TTC39B: variants seen among roughly 807,000 people sequenced by gnomAD.
TTC39B encodes tetratricopeptide repeat protein 39B.
TTC39B carries 92 observed loss-of-function variants against 96.6 expected under a neutral mutation model. The ratio of observed to expected loss-of-function variants is 0.95; its 90% confidence interval spans 0.80 to 1.13. The LOEUF (loss-of-function observed/expected upper bound fraction) is 1.13. Ranked by LOEUF, TTC39B falls within the 50% of genes most tolerant of loss-of-function variation. TTC39B has a pLI of 0.00. For synonymous variants in TTC39B, 367 were observed against 299.4 expected (o/e 1.23, Z -2.33); for missense variants, 955 against 809.3 (o/e 1.18, Z -2.18).
intron 3 of TTC39B, among the ~76,000 whole-genome samples, chr9:15,221,877 A>G (rs1453339536): frequency 1.3e-5 from 2 of 152,180 alleles, no homozygotes; most frequent in Admixed American, 6.5e-5. Context: ...TCAGTATTGC[A>G]TTGTTACATA....
intron 2 of TTC39B, among the ~76,000 whole-genome samples, chr9:15,242,552 C>T (rs1204940685): frequency 6.6e-6 from 1 of 152,028 alleles, no homozygotes. Flanking sequence ...CACTACACTC[C>T]AACCTGGGTG....
At position 15,233,409 on chromosome 9, in the gene TTC39B, G is replaced by A. The variant is rs185827712; in HGVS notation, c.276-7397C>T. Among the ~76,000 whole-genome samples, 898 of 152,162 alleles carry A rather than the reference G, an allele frequency of 5.9e-3. 11 individuals carry two copies. The highest frequency in any genetic ancestry group is 0.02 in the African/African-American group (838 of 41,492). On this transcript the variant is annotated intron_variant, in intron 2 of 19. Transcript: ENST00000512701. ...CACGGTCTCCCTCTGATGCCGAGCC[G>A]AAGCTGGACTGTACTGCTGCCATCT... is the stretch of plus-strand genomic sequence containing the variant.
At chr9:15,285,157 C>CG in intron 1 of TTC39B, among the ~76,000 whole-genome samples, 1 of 151,582 alleles carries the variant, frequency 6.6e-6, no homozygotes, top group East Asian at 2.0e-4. Context: ...CCCAGCTACT[C>CG]GGGGCGGGGG....
intron 2 of TTC39B, among the ~76,000 whole-genome samples, chr9:15,258,765 G>A (rs866947220): frequency 6.6e-5 from 10 of 152,128 alleles, no homozygotes; most frequent in Non-Finnish European, 4.4e-5. Flanking sequence ...CCCCAACCAC[G>A]ACTCAGTCTT....
chr9:15,235,795 A>C (rs993509060), intron 2 of TTC39B, among the ~76,000 whole-genome samples: 2 of 152,242 alleles, frequency 1.3e-5, no homozygotes, highest in Non-Finnish European at 2.9e-5. Flanking sequence ...GACCTATCCT[A>C]CAAGAAATGC....
chr9:15,174,276 C>A (rs911067147), intron 19 of TTC39B, among the ~76,000 whole-genome samples: 1 of 151,976 alleles, frequency 6.6e-6, no homozygotes, highest in Non-Finnish European at 1.5e-5. Flanking sequence ...GTGTCTGACA[C>A]ATAATAGGTG....
intron 2 of TTC39B, among the ~76,000 whole-genome samples, chr9:15,231,627 C>T (rs1310491215): frequency 6.6e-6 from 1 of 152,152 alleles, no homozygotes; most frequent in Non-Finnish European, 1.5e-5. Flanking sequence ...AAGCTTACAG[C>T]TATCTTTGTT....
intron 3 of TTC39B, among the ~76,000 whole-genome samples, chr9:15,219,285 A>G (rs1203377825): frequency 1.3e-5 from 2 of 152,132 alleles, no homozygotes; most frequent in South Asian, 2.1e-4. Context: ...AAGCATTTAT[A>G]TATATTGAGG....
intron 4 of TTC39B, among the ~76,000 whole-genome samples, chr9:15,212,692 G>T (rs971153210): frequency 3.9e-5 from 6 of 152,220 alleles, no homozygotes; most frequent in Non-Finnish European, 8.8e-5. Context: ...CTCCCAAAGT[G>T]CTGGGATTAC....
intron 1 of TTC39B, among the ~76,000 whole-genome samples, chr9:15,284,298 T>C (rs1022837268): frequency 1.3e-5 from 2 of 152,244 alleles, no homozygotes; most frequent in South Asian, 4.1e-4. Context: ...ATACTATCAT[T>C]ACAGTCTGTT....
intron 2 of TTC39B, among the ~76,000 whole-genome samples, chr9:15,235,023 C>CAATAAATAGATAAATA (rs144388307): frequency 6.9e-6 from 1 of 145,054 alleles, no homozygotes; most frequent in African/African-American, 2.6e-5. Flanking sequence ...CAAGAATGAT[C>CAATAAATAGATAAATA]AATAAATAAA....
At position 15,189,374 on chromosome 9, in the gene TTC39B, G is replaced by A. The variant is rs542348977; in HGVS notation, c.1233+200C>T. ...TATGTATAAATGTAGACTATATTCA[G>A]TAATCCACTGCATAGATTTTATATA... On this transcript the variant is annotated intron_variant, in intron 13 of 19. Coordinates refer to ENST00000512701, the Ensembl canonical transcript of TTC39B. Among the ~76,000 whole-genome samples the A allele has an allele frequency of 7.2e-5, 11 of 152,252 alleles. No homozygotes were observed. In the South Asian group the frequency reaches 2.1e-3, roughly 29 times the overall value.
rs1055200567 is a variant in TTC39B at position 15,306,486 on chromosome 9, G to C, written c.240+598C>G. On this transcript the variant is annotated intron_variant, in intron 1 of 19. Transcript: ENST00000512701. This position sits in a 1 kb window ranked among gnomAD's most constrained non-coding sequence, Gnocchi z 5.1. ...TGTCCCGGCCCCGTGGAGGGAGAGGGAAGCACCACAGCCTGGGCTGCGGCT... is the reference window on the plus strand; with the variant it reads ...TGTCCCGGCCCCGTGGAGGGAGAGGCAAGCACCACAGCCTGGGCTGCGGCT... Among the ~76,000 whole-genome samples, 42 of 152,196 alleles carry C rather than the reference G, an allele frequency of 2.8e-4. 1 individual carries two copies. The highest frequency in any genetic ancestry group is 1.0e-3 in the South Asian group (5 of 4,836).
intron 1 of TTC39B, among the ~76,000 whole-genome samples, chr9:15,286,591 G>A (rs971676014): frequency 2.6e-5 from 4 of 152,158 alleles, no homozygotes; most frequent in Non-Finnish European, 5.9e-5. Flanking sequence ...AGAAGTCTCC[G>A]GTGAGATAGT....
intron 1 of TTC39B, among the ~76,000 whole-genome samples, chr9:15,305,969 C>G (rs882203): frequency 0.3 from 45,345 of 151,920 alleles, 8,235 homozygotes; most frequent in East Asian, 0.59. Flanking sequence ...GCCCTCTTGT[C>G]TCTCTGTCAT....
At chr9:15,181,867 C>G (rs1380394244) in intron 17 of TTC39B, among the ~76,000 whole-genome samples, 1 of 152,068 alleles carries the variant, frequency 6.6e-6, no homozygotes, top group Admixed American at 6.6e-5. Context: ...TGAGAGTAAC[C>G]ATTCAATGGT....
At chr9:15,235,488 G>A (rs959781719) in intron 2 of TTC39B, among the ~76,000 whole-genome samples, 3 of 152,040 alleles carry the variant, frequency 2.0e-5, no homozygotes, top group African/African-American at 7.2e-5. Flanking sequence ...TATGCAAGAC[G>A]AACTTCACCA....
chr9:15,263,721 A>C (rs1220743280), intron 2 of TTC39B, among the ~76,000 whole-genome samples: 3 of 152,208 alleles, frequency 2.0e-5, no homozygotes, highest in Admixed American at 1.3e-4. Flanking sequence ...CCTCTGCTAC[A>C]AGATTCTTCG....
At chr9:15,184,424 A>G (rs1005103161) in intron 16 of TTC39B, among the ~76,000 whole-genome samples, 2 of 151,708 alleles carry the variant, frequency 1.3e-5, no homozygotes, top group African/African-American at 4.8e-5. Flanking sequence ...TGAATTTAAA[A>G]AAAAAAAAAA....
Sources: allele counts gnomAD v4.1 joint callset (sites outside exome capture counted in the v4.1 genomes callset), GRCh38; gene constraint gnomAD v4.1.1; non-coding constraint Gnocchi (gnomAD v3.1); transcripts MANE v1.5; gene names NCBI Gene and HGNC (gene_info 2026-07-23, HGNC 2026-07-21).